The following BEND3 variants were observed in gnomAD, a reference collection of about 807,000 sequenced individuals.
The protein encoded by BEND3 is BEN domain containing 3.
In BEND3, 13 loss-of-function variants were observed where a neutral mutation model predicts 60.1. The ratio of observed to expected loss-of-function variants is 0.22; its 90% CI spans 0.14 to 0.34. The LOEUF (loss-of-function observed/expected upper bound fraction) is 0.34. BEND3 is among the 10% of genes least tolerant of loss of function. The probability of loss-of-function intolerance (pLI) is 1.00; values close to 1 mark genes in which losing one functional copy is unlikely to be tolerated. For synonymous variants in BEND3, 497 were observed against 491.5 expected (o/e 1.01, Z -0.15); for missense variants, 896 against 1,138.1 (o/e 0.79, Z 3.06).
intron 1 of BEND3, among the ~76,000 whole-genome samples, chr6:107,100,606 C>A (rs907988155): frequency 1.3e-5 from 2 of 152,126 alleles, no homozygotes; most frequent in South Asian, 4.1e-4. Context: ...CTGTTCCAGG[C>A]TGCAGGGTCT....
At position 107,066,688 on chromosome 6, in the gene BEND3, C is replaced by G. The variant is rs1554230877; in HGVS notation, c.*2016G>C. ...AACCAGAACAAATTCCATGGGACCT[C>G]CCGCCTCCAGCCCCCAACAACCAGC... On this transcript the variant is annotated 3_prime_UTR_variant, in exon 4 of 4. Coordinates refer to ENST00000369042, the MANE Select transcript of BEND3 (RefSeq NM_001367314.1). 2 of 152,636 alleles carry G rather than the reference C, an allele frequency of 1.3e-5. No homozygotes were observed. The highest frequency in any genetic ancestry group is 4.8e-5 in the African/African-American group (2 of 41,440). 9.5% of individuals were successfully genotyped at this position (152,636 alleles called of 1,614,324 possible).
chr6:107,079,749 T>C (rs1554233246), intron 3 of BEND3, among the ~76,000 whole-genome samples: 1 of 152,204 alleles, frequency 6.6e-6, no homozygotes, highest in Non-Finnish European at 1.5e-5. Flanking sequence ...ACTGGCACCC[T>C]GGCACCTTTT....
chr6:107,102,514 G>A (rs1775722773), intron 1 of BEND3, among the ~76,000 whole-genome samples: 1 of 152,190 alleles, frequency 6.6e-6, no homozygotes, highest in East Asian at 1.9e-4. Context: ...TGGGAGGAAG[G>A]GGTGCTGGTG....
At chr6:107,098,221 A>G (rs1418891092) in intron 3 of BEND3, among the ~76,000 whole-genome samples, 1 of 152,254 alleles carries the variant, frequency 6.6e-6, no homozygotes, top group Non-Finnish European at 1.5e-5. Context: ...TGCAAGAATC[A>G]GCTACTATGT....
chr6:107,079,420 T>A (rs1048700038), intron 3 of BEND3, among the ~76,000 whole-genome samples: 1 of 152,188 alleles, frequency 6.6e-6, no homozygotes, highest in South Asian at 2.1e-4. Flanking sequence ...GAGGGTCTAA[T>A]TGAGCTGGTT....
intron 3 of BEND3, among the ~76,000 whole-genome samples, chr6:107,077,548 G>A (rs1156679029): frequency 1.3e-5 from 2 of 152,162 alleles, no homozygotes; most frequent in South Asian, 2.1e-4. Flanking sequence ...TAAGGGTGAA[G>A]GATGTGCTAA....
At chr6:107,113,959 CAA>C (rs1413077440) in intron 1 of BEND3, 1 of 152,214 alleles carries the variant, frequency 6.6e-6, no homozygotes, top group Admixed American at 6.5e-5. Flanking sequence ...TTCAACCATT[CAA>C]AAGTTACTTT....
At chr6:107,077,277 A>AT (rs782502182) in intron 3 of BEND3, among the ~76,000 whole-genome samples, 5 of 151,614 alleles carry the variant, frequency 3.3e-5, no homozygotes, top group South Asian at 2.1e-4. Context: ...GGCCAAAACA[A>AT]TTTTTTTTTA....
intron 3 of BEND3, among the ~76,000 whole-genome samples, chr6:107,092,666 C>T (rs1347886874): frequency 7.4e-6 from 1 of 134,386 alleles, no homozygotes; most frequent in Admixed American, 7.6e-5. Flanking sequence ...GGTATACTAT[C>T]GCGAAGGAAA....
intron 1 of BEND3, among the ~76,000 whole-genome samples, chr6:107,109,559 T>C (rs2115039357): frequency 6.7e-6 from 1 of 149,118 alleles, no homozygotes; most frequent in Non-Finnish European, 1.5e-5. Context: ...GGCAATACAG[T>C]GAATCCCCAT....
rs1774869858 is a variant in BEND3, at chr6:107,068,112, T to C, written c.*592A>G. On this transcript the variant is annotated 3_prime_UTR_variant, in exon 4 of 4. Coordinates refer to ENST00000369042, the MANE Select transcript of BEND3 (RefSeq NM_001367314.1). The surrounding 1 kb of genome is among the most constrained non-coding windows in gnomAD (Gnocchi z 5.8). ...GGACTTCGCACTATTCCATCCCCTCTACTGCCATCCAAGGGGCATCTTGAC... is the reference window on the plus strand; with the variant it reads ...GGACTTCGCACTATTCCATCCCCTCCACTGCCATCCAAGGGGCATCTTGAC... 1 of 152,752 alleles carries C rather than the reference T, an allele frequency of 6.5e-6. No homozygotes were observed. The highest frequency in any genetic ancestry group is 1.5e-5 in the Non-Finnish European group (1 of 68,526). The allele number at this position is 152,752 out of a possible 1,614,324, so 9.5% of individuals were successfully genotyped here. A position where few individuals can be genotyped will look rare whatever the true frequency, so the allele number is the denominator to read the frequency against.
intron 3 of BEND3, among the ~76,000 whole-genome samples, chr6:107,097,803 A>C (rs1011062611): frequency 3.9e-4 from 59 of 151,344 alleles, no homozygotes; most frequent in East Asian, 1.2e-3. Context: ...AAAAAAAAAA[A>C]AAAAAAAAAA....
At chr6:107,097,028 T>C (rs1775599291) in intron 3 of BEND3, among the ~76,000 whole-genome samples, 1 of 151,966 alleles carries the variant, frequency 6.6e-6, no homozygotes, top group Admixed American at 6.6e-5. Context: ...TTAAATTATA[T>C]AACTTAAATT....
chr6:107,076,226 G>A (rs1014102107), intron 3 of BEND3, among the ~76,000 whole-genome samples: 2 of 152,282 alleles, frequency 1.3e-5, no homozygotes, highest in African/African-American at 2.4e-5. Flanking sequence ...ATAAAATCTC[G>A]GCTCAGCTGT....
chr6:107,094,818 CTTTTTTT>C (rs60923094), intron 3 of BEND3, among the ~76,000 whole-genome samples: 1 of 61,968 alleles, frequency 1.6e-5, no homozygotes, highest in East Asian at 5.3e-4. Context: ...ATGTCACTGC[CTTTTTTT>C]TTTTTTTTTT....
chr6:107,091,991 T>C (rs782274955), intron 3 of BEND3, among the ~76,000 whole-genome samples: 5 of 152,154 alleles, frequency 3.3e-5, no homozygotes, highest in Non-Finnish European at 7.4e-5. Context: ...GCATGGTGGC[T>C]CACGCCTGTA....
In BEND3 at chr6:107,066,723, G is replaced by C. The variant is rs1283665008; in HGVS notation, c.*1981C>G. ...GCCCCCAACAACCAGCGGTGGGAAG[G>C]GGGAGGTGGTGGGAGAGGGCCACAG... On this transcript the variant is annotated 3_prime_UTR_variant, in exon 4 of 4. Transcript: ENST00000369042. The C allele has an allele frequency of 1.3e-5, 2 of 152,656 alleles. No individual in the cohort carries two copies. The highest frequency in any genetic ancestry group is 2.9e-5 in the Non-Finnish European group (2 of 68,098). The allele number at this position is 152,656 out of a possible 1,614,324, so 9.5% of individuals were successfully genotyped here. A position where few individuals can be genotyped will look rare whatever the true frequency, so the allele number is the denominator to read the frequency against.
At chr6:107,105,364 C>G (rs1775790827) in intron 1 of BEND3, among the ~76,000 whole-genome samples, 2 of 136,230 alleles carry the variant, frequency 1.5e-5, no homozygotes, top group African/African-American at 5.6e-5. Flanking sequence ...GAGAAAGACT[C>G]TGTCTCAAAA....
At chr6:107,072,167 C>G (rs931589077) in intron 3 of BEND3, among the ~76,000 whole-genome samples, 1 of 152,230 alleles carries the variant, frequency 6.6e-6, no homozygotes, top group African/African-American at 2.4e-5. Context: ...CTCCCACTGA[C>G]AGGCATGTGC....
Sources: gnomAD v4.1 joint callset for allele counts (sites outside exome capture counted in the v4.1 genomes callset) on GRCh38, gnomAD v4.1.1 for gene constraint, Gnocchi (gnomAD v3.1) non-coding constraint, MANE v1.5 for transcripts, NCBI Gene and HGNC (gene_info 2026-07-23, HGNC 2026-07-21) for gene names.